Variants in PIBF1 observed in about 807,000 individuals in gnomAD.
PIBF1 encodes the protein progesterone immunomodulatory binding factor 1, also known as progesterone-induced-blocking factor 1.
PIBF1 carries 90 observed loss-of-function variants against 112.5 expected under a neutral mutation model. The observed-to-expected ratio is 0.80, with a 90% CI of 0.67 to 0.95. The LOEUF (loss-of-function observed/expected upper bound fraction) is 0.95. Among genes scored for constraint, PIBF1 ranks in the 40% least tolerant of loss-of-function variants. PIBF1 has a pLI of 0.00. For missense variants in PIBF1, 915 were observed against 852.3 expected, an observed-to-expected ratio of 1.07 and a Z score of -0.92; for synonymous variants, 301 against 288.6, an observed-to-expected ratio of 1.04 and a Z score of -0.44.
chr13:72,847,064 TAC>T (rs1398696197), intron 9 of PIBF1, among the ~76,000 whole-genome samples: 2 of 152,240 alleles, frequency 1.3e-5, no homozygotes, highest in Admixed American at 6.5e-5. Flanking sequence ...GTTAACCATC[TAC>T]CAGATTCATT....
chr13:72,987,517 A>C (rs909063221), intron 16 of PIBF1, among the ~76,000 whole-genome samples: 4 of 152,112 alleles, frequency 2.6e-5, no homozygotes, highest in African/African-American at 9.7e-5. Context: ...ACAGACATTG[A>C]TGGAAGGCAT....
chr13:72,976,425 A>T (rs1341278552), intron 16 of PIBF1, among the ~76,000 whole-genome samples: 1 of 152,126 alleles, frequency 6.6e-6, no homozygotes, highest in Non-Finnish European at 1.5e-5. Flanking sequence ...CTACTACTAC[A>T]TGTTATTACT....
intron 10 of PIBF1, among the ~76,000 whole-genome samples, chr13:72,892,785 TACACAC>T (rs113653296): frequency 7.1e-6 from 1 of 140,710 alleles, no homozygotes; most frequent in African/African-American, 2.6e-5. Flanking sequence ...CCTCCTGCCT[TACACAC>T]ACACACACAC....
At chr13:72,855,710 T>C (rs1566364091) in intron 10 of PIBF1, among the ~76,000 whole-genome samples, 2 of 152,180 alleles carry the variant, frequency 1.3e-5, no homozygotes, top group Non-Finnish European at 2.9e-5. Flanking sequence ...GATCATGGTA[T>C]GTAAATCAGC....
chr13:72,919,344 G>A (rs1006277007), intron 13 of PIBF1, among the ~76,000 whole-genome samples: 5 of 152,156 alleles, frequency 3.3e-5, no homozygotes, highest in Non-Finnish European at 7.3e-5. Flanking sequence ...TGATCAAGGC[G>A]AGCTGAATAG....
chr13:72,973,076 TCAGA>T (rs1379577211), intron 15 of PIBF1, among the ~76,000 whole-genome samples: 1 of 152,222 alleles, frequency 6.6e-6, no homozygotes, highest in Non-Finnish European at 1.5e-5. Flanking sequence ...GAAATTATTC[TCAGA>T]CAGCATCTCA....
In PIBF1 at chr13:72,927,955, A is replaced by ATG. The variant is rs1367093260; in HGVS notation, c.1731-3209_1731-3208insGT. On this transcript the variant is annotated intron_variant, in intron 13 of 17. Transcript: ENST00000326291. Reference sequence around the variant, plus strand: ...TTCTAATATATGTGTGTATATATATATATACACATATATATATATATACAT... The same window carrying ATG: ...TTCTAATATATGTGTGTATATATATATGTATACACATATATATATATATACAT... Among the ~76,000 whole-genome samples, 22 of 69,582 alleles carry ATG rather than the reference A, an allele frequency of 3.2e-4. 1 individual carries two copies. The highest frequency in any genetic ancestry group is 9.6e-4 in the African/African-American group (21 of 21,774). 45.6% of individuals were successfully genotyped at this position (69,582 alleles called of 152,430 possible).
chr13:72,901,610 G>A (rs1327468448), intron 11 of PIBF1, among the ~76,000 whole-genome samples: 2 of 151,992 alleles, frequency 1.3e-5, no homozygotes, highest in Admixed American at 6.6e-5. Flanking sequence ...ACTGGAACCC[G>A]GGAAGAAGAG....
At chr13:72,820,799 G>T (rs574124125) in intron 5 of PIBF1, among the ~76,000 whole-genome samples, 11 of 152,264 alleles carry the variant, frequency 7.2e-5, no homozygotes, top group African/African-American at 2.4e-4. Flanking sequence ...TGGAGTTGAT[G>T]ATTGGTTGCA....
chr13:72,859,430 G>T (rs1178463417), intron 10 of PIBF1, among the ~76,000 whole-genome samples: 2 of 152,058 alleles, frequency 1.3e-5, no homozygotes, highest in Non-Finnish European at 2.9e-5. Context: ...TGTTGTTAGA[G>T]AATTATTAAT....
intron 5 of PIBF1, among the ~76,000 whole-genome samples, chr13:72,812,966 AAAAAG>A (rs1328516601): frequency 6.6e-6 from 1 of 152,166 alleles, no homozygotes; most frequent in African/African-American, 2.4e-5. Context: ...AAAAGAAAGA[AAAAAG>A]AAAAGAAAGA....
At chr13:72,901,865 C>T (rs1407384736) in intron 11 of PIBF1, among the ~76,000 whole-genome samples, 1 of 152,084 alleles carries the variant, frequency 6.6e-6, no homozygotes, top group Non-Finnish European at 1.5e-5. Context: ...TGGGCATCTA[C>T]CCAAAGGAAA....
chr13:72,832,651 C>A (rs1334459991), intron 8 of PIBF1, among the ~76,000 whole-genome samples: 1 of 152,162 alleles, frequency 6.6e-6, no homozygotes, highest in Non-Finnish European at 1.5e-5. Context: ...GTCTGATGGG[C>A]GTCCTTCCCT....
At chr13:72,928,035 A>G (rs914584437) in intron 13 of PIBF1, among the ~76,000 whole-genome samples, 9 of 142,728 alleles carry the variant, frequency 6.3e-5, no homozygotes, top group Admixed American at 2.9e-4. Context: ...ACATATATAT[A>G]TATATATATA....
chr13:72,802,985 T>G (rs1450351482), intron 5 of PIBF1, among the ~76,000 whole-genome samples: 1 of 152,188 alleles, frequency 6.6e-6, no homozygotes, highest in Admixed American at 6.5e-5. Context: ...CTGTTTCAAA[T>G]GCTGTTGATA....
At chr13:72,996,858 G>GA (rs1263307902) in intron 16 of PIBF1, among the ~76,000 whole-genome samples, 2 of 152,066 alleles carry the variant, frequency 1.3e-5, no homozygotes, top group African/African-American at 4.8e-5. Flanking sequence ...TAATAAAATT[G>GA]AAAATGTGTT....
At chr13:73,005,409 G>A (rs61966236) in intron 17 of PIBF1, among the ~76,000 whole-genome samples, 4,870 of 151,634 alleles carry the variant, frequency 0.032, 129 homozygotes, top group South Asian at 0.051. Context: ...AGGAGGTTGG[G>A]GCTGCAGTGA....
chr13:72,927,656 C>T (rs2041532189), intron 13 of PIBF1, among the ~76,000 whole-genome samples: 1 of 151,578 alleles, frequency 6.6e-6, no homozygotes, highest in Admixed American at 6.6e-5. Context: ...TTTTTTTTTA[C>T]TGTTTTTGTT....
chr13:72,926,443 A>C (rs2041485832), intron 13 of PIBF1, among the ~76,000 whole-genome samples: 1 of 152,208 alleles, frequency 6.6e-6, no homozygotes, highest in Non-Finnish European at 1.5e-5. Context: ...AATTTTGCAC[A>C]TAACTACTTT....
Sources: gnomAD v4.1 joint callset for allele counts (sites outside exome capture counted in the v4.1 genomes callset) on GRCh38, gnomAD v4.1.1 for gene constraint, MANE v1.5 for transcripts, NCBI Gene and HGNC (gene_info 2026-07-23, HGNC 2026-07-21) for gene names.